KCNQ1: variants seen among roughly 807,000 people sequenced by gnomAD.
The protein encoded by KCNQ1 is potassium voltage-gated channel subfamily Q member 1, also known as potassium voltage-gated channel subfamily KQT member 1.
Under a neutral mutation model 72.4 loss-of-function variants are expected in KCNQ1, and 49 were observed. The observed-to-expected ratio is 0.68, with a 90% confidence interval of 0.54 to 0.86. KCNQ1 has a LOEUF of 0.86. Among genes scored for constraint, KCNQ1 ranks in the 40% least tolerant of loss-of-function variants. KCNQ1 has a pLI of 0.00. For missense variants in KCNQ1, 790 were observed against 945.1 expected (o/e 0.84, Z 2.15); for synonymous variants, 450 against 412.6 (o/e 1.09, Z -1.10).
At chr11:2,797,197 G>C (rs1847154919) in intron 15 of KCNQ1, among the ~76,000 whole-genome samples, 1 of 152,146 alleles carries the variant, frequency 6.6e-6, no homozygotes, top group Non-Finnish European at 1.5e-5. Flanking sequence ...TGAAGAGGAG[G>C]ACAGTGCTGG....
intron 12 of KCNQ1, among the ~76,000 whole-genome samples, chr11:2,775,664 G>T (rs887027655): frequency 7.9e-5 from 12 of 152,200 alleles, no homozygotes; most frequent in Non-Finnish European, 1.6e-4. Flanking sequence ...TGGTAGCCTG[G>T]GGTGGTGGGG....
rs1484865933 is a variant in KCNQ1 at position 2,776,066 on chromosome 11, C to T, written c.1685+12C>T. 6.5e-7 allele frequency: 1 copy of T among 1,547,818 alleles called. No homozygotes were observed. The highest frequency in any genetic ancestry group is 1.2e-5 in the South Asian group (1 of 84,140). On this transcript the variant is annotated intron_variant, in intron 13 of 15. Transcript: ENST00000155840. ...GAGCTGCAGAGGAGGTGGGCACGGC[C>T]AAACGGCAGCGGGGAGGGTGCCCAG...
chr11:2,721,292 T>C (rs1466962753), intron 11 of KCNQ1, among the ~76,000 whole-genome samples: 2 of 152,214 alleles, frequency 1.3e-5, no homozygotes, highest in Non-Finnish European at 2.9e-5. Flanking sequence ...GTTGAAAAGC[T>C]ACCCGCAGGG....
chr11:2,603,415 G>A lies in KCNQ1; in HGVS notation c.1393+14561G>A, dbSNP rs899007199. ...TTTAAAAACACAATATCCACAAAGT[G>A]CAAAAAAGTGAAGTGTGCCTGTGTA... On this transcript the variant is annotated intron_variant, in intron 10 of 15. Coordinates refer to ENST00000155840, the MANE Select transcript of KCNQ1 (RefSeq NM_000218.3). The surrounding 1 kb of genome is among the most constrained non-coding windows in gnomAD (Gnocchi z 4.1). 3.0e-4 allele frequency among the ~76,000 whole-genome samples: 46 copies of A among 152,210 alleles called. No individual in the cohort carries two copies. Among genetic ancestry groups the A allele is most frequent in the Admixed American group, 2.7e-3 (41 of 15,298 alleles).
rs974147681 is a variant in KCNQ1, at chr11:2,828,605, C to A, written c.1795-19162C>A. On this transcript the variant is annotated intron_variant, in intron 15 of 15. Transcript: ENST00000155840. This position sits in a 1 kb window ranked among gnomAD's most constrained non-coding sequence, Gnocchi z 5.3. ...GCAGGTCTCACCCCAGCCCATGAAGCCAGATGCTACTGATTCTCAAGCTCA... is the reference window on the plus strand; with the variant it reads ...GCAGGTCTCACCCCAGCCCATGAAGACAGATGCTACTGATTCTCAAGCTCA... Among the ~76,000 whole-genome samples, 2 of 152,046 alleles carry A rather than the reference C, an allele frequency of 1.3e-5. No homozygotes were observed. Among genetic ancestry groups the A allele is most frequent in the Admixed American group, 6.5e-5 (1 of 15,278 alleles).
intron 5 of KCNQ1, 137 bp from the exon 6 acceptor site, chr11:2,572,709 C>T (rs545245787): frequency 1.1e-4 from 121 of 1,123,712 alleles, no homozygotes; most frequent in African/African-American, 9.3e-4. Flanking sequence ...ATATTGAAGC[C>T]GGCCCTGTGC....
At position 2,450,122 on chromosome 11, in the gene KCNQ1, C is replaced by G. The variant is rs935914855; in HGVS notation, c.386+4638C>G. ...GGAGGTGGACGAGCCCTCCGTAGCC[C>G]TGACATTCCAAACTGGCTTTTGGCC... On this transcript the variant is annotated intron_variant, in intron 1 of 15. Transcript: ENST00000155840. The surrounding 1 kb of genome is among the most constrained non-coding windows in gnomAD (Gnocchi z 7.9). Among the ~76,000 whole-genome samples the G allele has an allele frequency of 1.3e-5, 2 of 152,196 alleles. No individual in the cohort carries two copies. Among genetic ancestry groups the G allele is most frequent in the African/African-American group, 4.8e-5 (2 of 41,444 alleles).
intron 11 of KCNQ1, among the ~76,000 whole-genome samples, chr11:2,736,618 C>T (rs951056448): frequency 5.3e-5 from 8 of 152,200 alleles, no homozygotes; most frequent in Non-Finnish European, 1.2e-4. Flanking sequence ...CCGTCCCTCC[C>T]ACCCCCCAGT....
intron 10 of KCNQ1, chr11:2,628,576 T>C (rs1482721004): frequency 2.5e-6 from 1 of 398,474 alleles, no homozygotes; most frequent in Non-Finnish European, 4.4e-6. Flanking sequence ...AAATATTTTC[T>C]CCCGCTACAT....
At chr11:2,799,141 G>A (rs555097426) in intron 15 of KCNQ1, among the ~76,000 whole-genome samples, 11 of 152,358 alleles carry the variant, frequency 7.2e-5, no homozygotes, top group Middle Eastern at 3.4e-3. Flanking sequence ...GGACAGGCAC[G>A]TGCCTGGAAC....
intron 7 of KCNQ1, among the ~76,000 whole-genome samples, chr11:2,584,341 G>A (rs1387207422): frequency 3.9e-5 from 6 of 152,120 alleles, no homozygotes; most frequent in African/African-American, 1.4e-4. Context: ...TTGTGTGTTA[G>A]TGTGGGTTAG....
In KCNQ1 at chr11:2,446,455, AG is replaced by A. The variant is rs1846038605; in HGVS notation, c.386+973del. 6.6e-6 allele frequency among the ~76,000 whole-genome samples: 1 copy of A among 152,178 alleles called. No individual in the cohort carries two copies. Among genetic ancestry groups the A allele is most frequent in the Admixed American group, 6.5e-5 (1 of 15,286 alleles). ...AAGGGTGGTCTCCCTGAGCGTCCTC[AG>A]GTGGAAGCATCTCCTCTGCCTCGGG... On this transcript the variant is annotated intron_variant, in intron 1 of 15. Transcript: ENST00000155840. This position sits in a 1 kb window ranked among gnomAD's most constrained non-coding sequence, Gnocchi z 8.8.
chr11:2,656,627 T>A (rs1321478926), intron 10 of KCNQ1: 1 of 398,650 alleles, frequency 2.5e-6, no homozygotes, highest in Non-Finnish European at 4.4e-6. Flanking sequence ...ATTAAGTCAT[T>A]TATATTTTTC....
rs1456662581 is a variant in KCNQ1, at chr11:2,698,397, G to A, written c.1514+36316G>A. The A allele has an allele frequency of 2.5e-6, 1 of 398,106 alleles. No individual in the cohort carries two copies. Among genetic ancestry groups the A allele is most frequent in the African/African-American group, 2.1e-5 (1 of 48,428 alleles). The allele number at this position is 398,106 out of a possible 1,614,324, so 24.7% of individuals were successfully genotyped here. On this transcript the variant is annotated intron_variant, in intron 11 of 15. Coordinates refer to ENST00000155840, the MANE Select transcript of KCNQ1 (RefSeq NM_000218.3). This position sits in a 1 kb window ranked among gnomAD's most constrained non-coding sequence, Gnocchi z 5.1. ...GCTCAGGGACCACAGTGGGGTACTG[G>A]GATCTGAACATAGTGGTGGCCCTTC...
chr11:2,450,000 C>T (rs1172348796), intron 1 of KCNQ1, among the ~76,000 whole-genome samples: 1 of 152,178 alleles, frequency 6.6e-6, no homozygotes, highest in South Asian at 2.1e-4. Flanking sequence ...GCCACCGGTC[C>T]CTGTAGCCAA....
intron 11 of KCNQ1, chr11:2,692,512 G>A: frequency 2.5e-6 from 1 of 398,752 alleles, no homozygotes; most frequent in Admixed American, 4.4e-5. Context: ...CATCCCAGGT[G>A]CTCACAGGCT....
rs1227407052 is a variant in KCNQ1, at chr11:2,627,745, ACACT to A, written c.1394-34215_1394-34212del. 1 of 398,236 alleles carries A rather than the reference ACACT, an allele frequency of 2.5e-6. No individual in the cohort carries two copies. Among genetic ancestry groups the A allele is most frequent in the Non-Finnish European group, 4.4e-6 (1 of 226,034 alleles). 24.7% of individuals were successfully genotyped at this position (398,236 alleles called of 1,614,324 possible). ...TGGGAATTTGGTGATACACACACACACACTATTTTCTTCCTTTCTTTTTGAGACA... is the reference window on the plus strand; with the variant it reads ...TGGGAATTTGGTGATACACACACACAATTTTCTTCCTTTCTTTTTGAGACA... On this transcript the variant is annotated intron_variant, in intron 10 of 15. Transcript: ENST00000155840. The surrounding 1 kb of genome is among the most constrained non-coding windows in gnomAD (Gnocchi z 4.9).
At position 2,603,704 on chromosome 11, in the gene KCNQ1, T is replaced by TC. The variant is rs1196937782; in HGVS notation, c.1393+14854dup. Among the ~76,000 whole-genome samples the TC allele has an allele frequency of 1.3e-5, 2 of 152,236 alleles. No individual in the cohort carries two copies. The highest frequency in any genetic ancestry group is 2.9e-5 in the Non-Finnish European group (2 of 68,006). On this transcript the variant is annotated intron_variant, in intron 10 of 15. Coordinates refer to ENST00000155840, the MANE Select transcript of KCNQ1 (RefSeq NM_000218.3). This position sits in a 1 kb window ranked among gnomAD's most constrained non-coding sequence, Gnocchi z 4.1. ...TTGTGCTTCAGTGCTTCTTTTTTTT[T>TC]CCCCGAGACAGAGTCTCCCTCTGTC...
In KCNQ1 at chr11:2,595,990, A is replaced by G. The variant is rs569133447; in HGVS notation, c.1393+7136A>G. On this transcript the variant is annotated intron_variant, in intron 10 of 15. Coordinates refer to ENST00000155840, the MANE Select transcript of KCNQ1 (RefSeq NM_000218.3). This position sits in a 1 kb window ranked among gnomAD's most constrained non-coding sequence, Gnocchi z 5.0. ...TGATTCCAACCCTCATGGATGACTGAGGGGTTGAAGATTTCAGTGGAGGAA... is the reference window on the plus strand; with the variant it reads ...TGATTCCAACCCTCATGGATGACTGGGGGGTTGAAGATTTCAGTGGAGGAA... 6.6e-6 allele frequency among the ~76,000 whole-genome samples: 1 copy of G among 152,316 alleles called. No homozygotes were observed. Among genetic ancestry groups the G allele is most frequent in the Admixed American group, 6.5e-5 (1 of 15,300 alleles).
Sources: allele counts gnomAD v4.1 joint callset (sites outside exome capture counted in the v4.1 genomes callset), GRCh38; gene constraint gnomAD v4.1.1; non-coding constraint Gnocchi (gnomAD v3.1); transcripts MANE v1.5; gene names NCBI Gene and HGNC (gene_info 2026-07-23, HGNC 2026-07-21).